The following PDE2A variants were observed in gnomAD, a reference collection of about 807,000 sequenced individuals.
The protein encoded by PDE2A is cGMP-dependent 3',5'-cyclic phosphodiesterase.
PDE2A carries 53 observed loss-of-function variants against 133.6 expected under a neutral mutation model. That is an observed-to-expected ratio of 0.40 (90% CI 0.32 to 0.50). The LOEUF is 0.50. Among genes scored for constraint, PDE2A ranks in the 20% least tolerant of loss-of-function variants. The probability of loss-of-function intolerance (pLI) is 0.73; values close to 1 mark genes in which losing one functional copy is unlikely to be tolerated. For synonymous variants in PDE2A, 491 were observed against 490.2 expected (o/e 1.00, Z -0.02); for missense variants, 796 against 1,232.4 (o/e 0.65, Z 5.30).
At chr11:72,649,075 T>G (rs1376360852) in intron 1 of PDE2A, among the ~76,000 whole-genome samples, 5 of 152,202 alleles carry the variant, frequency 3.3e-5, no homozygotes, top group African/African-American at 1.2e-4. Flanking sequence ...GGTCCTGGCC[T>G]TCAAGGCCTT....
chr11:72,596,524 C>G, intron 6 of PDE2A, 69 bp downstream of exon 6: 1 of 722,624 alleles, frequency 1.4e-6, no homozygotes, highest in Non-Finnish European at 2.1e-6. Context: ...ACACCCTGGA[C>G]AGGCTCCATC....
At chr11:72,639,694 C>A (rs1858868292) in intron 2 of PDE2A, among the ~76,000 whole-genome samples, 1 of 152,194 alleles carries the variant, frequency 6.6e-6, no homozygotes, top group Non-Finnish European at 1.5e-5. Flanking sequence ...CACGACATTG[C>A]CTGCCGCCCG....
chr11:72,589,347 G>T, intron 11 of PDE2A, 107 bp from the exon 12 acceptor site: 2 of 810,392 alleles, frequency 2.5e-6, no homozygotes, highest in Non-Finnish European at 4.2e-6. Context: ...CCTTCAGTCA[G>T]TCCAAATGGT....
rs760551933 is a variant in PDE2A, at chr11:72,590,681, G to A, written c.550-101C>T. Reference sequence around the variant, plus strand: ...GCTCCCGCCGTTCCCTCTGCCTGCCGGGCCCAGGGACCCCGCCGCCGTCCC... The same window carrying A: ...GCTCCCGCCGTTCCCTCTGCCTGCCAGGCCCAGGGACCCCGCCGCCGTCCC... On this transcript the variant is annotated intron_variant, in intron 7 of 30. Coordinates refer to ENST00000334456, the MANE Select transcript of PDE2A (RefSeq NM_002599.5). The surrounding 1 kb of genome is among the most constrained non-coding windows in gnomAD (Gnocchi z 4.8). 1.8e-6 allele frequency: 2 copies of A among 1,129,318 alleles called. No homozygotes were observed. Among genetic ancestry groups the A allele is most frequent in the Non-Finnish European group, 2.3e-6 (2 of 861,696 alleles). 70.0% of individuals were successfully genotyped at this position (1,129,318 alleles called of 1,614,324 possible).
rs150644888 is a variant in PDE2A, at chr11:72,597,671, G to C, written c.324-52C>G. The C allele has an allele frequency of 1.6e-6, 2 of 1,258,826 alleles. No homozygotes were observed. The highest frequency in any genetic ancestry group is 4.7e-5 in the East Asian group (2 of 42,236). The allele number at this position is 1,258,826 out of a possible 1,614,324, so 78.0% of individuals were successfully genotyped here. ...GAGAGCCCCCGACTCAGGGAGGAAC[G>C]AGGCCTGGCCTGGGAACACAGGACA... On this transcript the variant is annotated intron_variant, in intron 4 of 30. Coordinates refer to ENST00000334456, the MANE Select transcript of PDE2A (RefSeq NM_002599.5). This position sits in a 1 kb window ranked among gnomAD's most constrained non-coding sequence, Gnocchi z 4.6.
At chr11:72,600,299 T>C (rs909378539) in intron 4 of PDE2A, among the ~76,000 whole-genome samples, 1 of 152,136 alleles carries the variant, frequency 6.6e-6, no homozygotes, top group African/African-American at 2.4e-5. Context: ...GAGGGTCCTA[T>C]CATCTTAGTG....
chr11:72,604,471 G>A (rs1856888168), intron 4 of PDE2A, among the ~76,000 whole-genome samples: 2 of 152,176 alleles, frequency 1.3e-5, no homozygotes, highest in Admixed American at 1.3e-4. Flanking sequence ...CTCTCACAAT[G>A]GTAATCCCCA....
intron 2 of PDE2A, among the ~76,000 whole-genome samples, chr11:72,618,357 G>A (rs1346814337): frequency 6.6e-6 from 1 of 152,138 alleles, no homozygotes; most frequent in Non-Finnish European, 1.5e-5. Flanking sequence ...TGCTCTTCCT[G>A]CTCTGGCCCT....
intron 13 of PDE2A, among the ~76,000 whole-genome samples, chr11:72,588,525 T>C (rs1856082010): frequency 6.6e-6 from 1 of 152,084 alleles, no homozygotes; most frequent in Non-Finnish European, 1.5e-5. Context: ...ATAGCAGTAA[T>C]GCAAAAACAG....
intron 2 of PDE2A, among the ~76,000 whole-genome samples, chr11:72,626,952 T>C (rs1452369159): frequency 6.6e-6 from 1 of 152,198 alleles, no homozygotes; most frequent in Non-Finnish European, 1.5e-5. Context: ...CTGGTCCTGG[T>C]TGTCCTTAGC....
intron 4 of PDE2A, among the ~76,000 whole-genome samples, chr11:72,600,046 G>A (rs754893517): frequency 4.6e-5 from 7 of 152,350 alleles, no homozygotes; most frequent in Admixed American, 3.3e-4. Context: ...GCTTGGAGGC[G>A]AGAAGATTGT....
Position 72,578,362 on chromosome 11 carries a change from C to A in PDE2A, c.2509-23G>T. On this transcript the variant is annotated intron_variant, in intron 29 of 30. Transcript: ENST00000334456. This position sits in a 1 kb window ranked among gnomAD's most constrained non-coding sequence, Gnocchi z 4.2. ...CTCCTGCAGGCATCGAGTCGTCAGG[C>A]CTGTCCCTCTCATTCCTCCATCGGG... The A allele has an allele frequency of 6.3e-7, 1 of 1,592,180 alleles. No homozygotes were observed. Among genetic ancestry groups the A allele is most frequent in the Non-Finnish European group, 8.6e-7 (1 of 1,160,078 alleles).
intron 2 of PDE2A, among the ~76,000 whole-genome samples, chr11:72,623,753 T>C (rs1382970167): frequency 2.0e-5 from 3 of 152,158 alleles, no homozygotes; most frequent in Admixed American, 6.5e-5. Flanking sequence ...CTCTTGCTCA[T>C]CTTCTCATTT....
At chr11:72,610,429 A>G (rs770342185) in intron 2 of PDE2A, among the ~76,000 whole-genome samples, 4 of 152,192 alleles carry the variant, frequency 2.6e-5, no homozygotes, top group South Asian at 2.1e-4. Flanking sequence ...TGGGCTCTCA[A>G]TGAAGACTTG....
At chr11:72,592,569 A>G (rs145222397) in intron 6 of PDE2A, among the ~76,000 whole-genome samples, 3 of 152,182 alleles carry the variant, frequency 2.0e-5, no homozygotes, top group African/African-American at 4.8e-5. Flanking sequence ...TGGGGAGGAC[A>G]AGTAGACCTT....
intron 2 of PDE2A, among the ~76,000 whole-genome samples, chr11:72,629,755 T>C (rs1415418550): frequency 2.0e-5 from 3 of 152,178 alleles, no homozygotes; most frequent in African/African-American, 7.2e-5. Context: ...GAGACACATC[T>C]AGGCTCCAAT....
chr11:72,600,105 C>T (rs1386606991), intron 4 of PDE2A, among the ~76,000 whole-genome samples: 1 of 152,176 alleles, frequency 6.6e-6, no homozygotes, highest in African/African-American at 2.4e-5. Flanking sequence ...GACTGGACAG[C>T]CGAGAGCAAG....
intron 24 of PDE2A, 55 bp downstream of exon 24, chr11:72,580,831 G>A (rs1565147478): frequency 8.7e-7 from 1 of 1,146,180 alleles, no homozygotes; most frequent in Non-Finnish European, 1.3e-6. Flanking sequence ...GGGAGAGGAT[G>A]AGACTCCCAG....
chr11:72,609,732 T>C (rs970818094), intron 2 of PDE2A, among the ~76,000 whole-genome samples: 1 of 152,056 alleles, frequency 6.6e-6, no homozygotes, highest in African/African-American at 2.4e-5. Context: ...CCGCAAGCCC[T>C]TGGAAGTCCT....
Sources: allele counts gnomAD v4.1 joint callset (sites outside exome capture counted in the v4.1 genomes callset), GRCh38; gene constraint gnomAD v4.1.1; non-coding constraint Gnocchi (gnomAD v3.1); transcripts MANE v1.5; gene names NCBI Gene and HGNC (gene_info 2026-07-23, HGNC 2026-07-21).